FAXDC2: variants seen among roughly 807,000 people sequenced by gnomAD.
The protein encoded by FAXDC2 is fatty acid hydroxylase domain-containing protein 2.
Under a neutral mutation model 40.9 loss-of-function variants are expected in FAXDC2, and 41 were observed. That is an observed-to-expected ratio of 1.00 (90% CI 0.78 to 1.30). FAXDC2 has a LOEUF of 1.30. Among genes scored for constraint, FAXDC2 ranks in the 50% most tolerant of loss-of-function variants. The pLI, the probability that FAXDC2 is intolerant of heterozygous loss-of-function variation, is 0.00. For missense variants in FAXDC2, 390 were observed against 408.8 expected, an observed-to-expected ratio of 0.95 and a Z score of 0.40; for synonymous variants, 157 against 149.3, an observed-to-expected ratio of 1.05 and a Z score of -0.38.
In FAXDC2 at chr5:154,842,165, C is replaced by A. The variant is rs571797803; in HGVS notation, c.1-3987G>T. ...AACCTATCAAATGTTTCATTTCCCC[C>A]ACCCTTGTTGTTTGTTTGTGTGTTT... On this transcript the variant is annotated intron_variant, in intron 1 of 8. Transcript: ENST00000326080. Among the ~76,000 whole-genome samples, 6 of 152,062 alleles carry A rather than the reference C, an allele frequency of 3.9e-5. No individual in the cohort carries two copies. The East Asian group carries it at 9.7e-4, about 25-fold the overall frequency.
chr5:154,825,161 G>A (rs1271772718), intron 5 of FAXDC2, among the ~76,000 whole-genome samples: 1 of 149,740 alleles, frequency 6.7e-6, no homozygotes, highest in Non-Finnish European at 1.5e-5. Context: ...TCAGGAGATT[G>A]AGACCATCCT....
At chr5:154,827,439 G>GTGTGTA (rs1760068534) in intron 5 of FAXDC2, among the ~76,000 whole-genome samples, 2 of 151,428 alleles carry the variant, frequency 1.3e-5, no homozygotes, top group African/African-American at 4.9e-5. Context: ...GTGTGTGTGT[G>GTGTGTA]TGTGTGTGTG....
At chr5:154,837,283 TTTTG>T (rs563450749) in intron 2 of FAXDC2, among the ~76,000 whole-genome samples, 99 of 152,132 alleles carry the variant, frequency 6.5e-4, no homozygotes, top group Middle Eastern at 3.4e-3. Flanking sequence ...TTTTTTGTTT[TTTTG>T]TTTGTTTGTT....
chr5:154,828,929 T>C (rs1479129611), intron 5 of FAXDC2, among the ~76,000 whole-genome samples: 1 of 150,764 alleles, frequency 6.6e-6, no homozygotes, highest in Non-Finnish European at 1.5e-5. Flanking sequence ...TTTCTTTTTT[T>C]TTTTTTTTGA....
At chr5:154,832,943 G>A (rs1198703591) in intron 4 of FAXDC2, among the ~76,000 whole-genome samples, 1 of 152,010 alleles carries the variant, frequency 6.6e-6, no homozygotes, top group Non-Finnish European at 1.5e-5. Context: ...CAATCCTCAG[G>A]TGCATTTTGC....
chr5:154,820,522 C>T lies in FAXDC2; in HGVS notation c.846-50G>A, dbSNP rs367841364. 6.7e-6 allele frequency: 10 copies of T among 1,490,844 alleles called. No homozygotes were observed. In the Admixed American group the frequency reaches 7.8e-5, roughly 12 times the overall value. The allele number at this position is 1,490,844 out of a possible 1,614,324, so 92.4% of individuals were successfully genotyped here. A position where few individuals can be genotyped will look rare whatever the true frequency, so the allele number is the denominator to read the frequency against. ...AGTGCCCATGCTGGAGGCTTCCGTG[C>T]AGATCCCATTTCATTTGTGCCAGCC... On this transcript the variant is annotated intron_variant, in intron 8 of 8. Transcript: ENST00000326080.
chr5:154,820,078 A>T lies in FAXDC2; in HGVS notation c.*238T>A, dbSNP rs1192805312. 2.4e-6 allele frequency: 1 copy of T among 421,630 alleles called. No individual in the cohort carries two copies. The highest frequency in any genetic ancestry group is 2.1e-5 in the African/African-American group (1 of 48,222). The allele number at this position is 421,630 out of a possible 1,614,324, so 26.1% of individuals were successfully genotyped here. On this transcript the variant is annotated 3_prime_UTR_variant, in exon 9 of 9. Coordinates refer to ENST00000326080, the MANE Select transcript of FAXDC2 (RefSeq NM_032385.5). ...CCTCTGACCAGCCTCCAGTCTGGGG[A>T]GCTGTGTTTTCCTTTTTCTTAAGCT... is the stretch of plus-strand genomic sequence containing the variant.
chr5:154,830,930 T>C lies in FAXDC2; in HGVS notation c.245-8A>G, dbSNP rs781273780. On this transcript the variant is annotated splice_region_variant and splice_polypyrimidine_tract_variant and intron_variant, in intron 4 of 8. Transcript: ENST00000326080. The stretch of plus-strand genomic sequence containing the variant: ...AAGGCACTTGGATGGCACCTGAGAT[T>C]GGGAAACAGAAACAGTCAGGGCGAC... 8 of 1,611,274 alleles carry C rather than the reference T, an allele frequency of 5.0e-6. No individual in the cohort carries two copies. The Admixed American group carries it at 1.3e-4, about 27-fold the overall frequency.
intron 1 of FAXDC2, among the ~76,000 whole-genome samples, chr5:154,839,392 C>T: frequency 6.6e-6 from 1 of 151,474 alleles, no homozygotes; most frequent in Non-Finnish European, 1.5e-5. Context: ...CCTGTAGTCC[C>T]AACACTTGGG....
rs1224837394 is a variant in FAXDC2, at chr5:154,831,119, T to G, written c.245-197A>C. The stretch of plus-strand genomic sequence containing the variant: ...ACAGGCCATTTAAGGAGTGTCTCCA[T>G]TTTCTTAGCCATAAAATAGGGACAA... On this transcript the variant is annotated intron_variant, in intron 4 of 8. Transcript: ENST00000326080. 3 of 503,322 alleles carry G rather than the reference T, an allele frequency of 6.0e-6. No individual in the cohort carries two copies. The Admixed American group carries it at 9.6e-5, about 16-fold the overall frequency. The allele number at this position is 503,322 out of a possible 1,614,324, so 31.2% of individuals were successfully genotyped here. A position where few individuals can be genotyped will look rare whatever the true frequency, so the allele number is the denominator to read the frequency against.
At chr5:154,834,527 T>C (rs1481125521) in intron 4 of FAXDC2, 98 bp downstream of exon 4, 10 of 884,088 alleles carry the variant, frequency 1.1e-5, no homozygotes, top group Non-Finnish European at 1.8e-5. Flanking sequence ...CTTGGAATAA[T>C]AAACTGAAAA....
intron 6 of FAXDC2, 177 bp downstream of exon 6, chr5:154,823,210 C>T: frequency 3.3e-6 from 2 of 607,676 alleles, no homozygotes; most frequent in Non-Finnish European, 5.8e-6. Flanking sequence ...GACGGGGTCT[C>T]CTGACATTCC....
chr5:154,840,771 A>C (rs749426157), intron 1 of FAXDC2, among the ~76,000 whole-genome samples: 1 of 152,102 alleles, frequency 6.6e-6, no homozygotes, highest in Non-Finnish European at 1.5e-5. Context: ...GGCTGATCTC[A>C]AACTTGTGAG....
intron 5 of FAXDC2, among the ~76,000 whole-genome samples, chr5:154,827,043 GCCTTTTA>G (rs1305139052): frequency 2.0e-5 from 3 of 152,112 alleles, no homozygotes; most frequent in Non-Finnish European, 4.4e-5. Context: ...GGTGTCTCAC[GCCTTTTA>G]TCCCAGCACT....
chr5:154,821,212 G>A, intron 8 of FAXDC2, 48 bp downstream of exon 8: 1 of 1,468,716 alleles, frequency 6.8e-7, no homozygotes, highest in Non-Finnish European at 9.4e-7. Context: ...TAAGGAGGGA[G>A]GGTGATGGTT....
chr5:154,829,717 C>T (rs17116474), intron 5 of FAXDC2, among the ~76,000 whole-genome samples: 1,805 of 152,328 alleles, frequency 0.012, 31 homozygotes, highest in African/African-American at 0.04. Context: ...CCGTGTAACA[C>T]CTCTGTTTCC....
chr5:154,846,146 C>G (rs1252983755), intron 1 of FAXDC2, among the ~76,000 whole-genome samples: 2 of 151,804 alleles, frequency 1.3e-5, no homozygotes, highest in East Asian at 3.9e-4. Context: ...GCTCATTATA[C>G]CAACTGAGAC....
At chr5:154,837,835 G>A (rs1760388484) in intron 2 of FAXDC2, among the ~76,000 whole-genome samples, 1 of 152,302 alleles carries the variant, frequency 6.6e-6, no homozygotes, top group South Asian at 2.1e-4. Context: ...AAAGGCCCGA[G>A]GCATAGGACA....
chr5:154,844,956 G>A (rs565230542), intron 1 of FAXDC2, among the ~76,000 whole-genome samples: 2 of 152,324 alleles, frequency 1.3e-5, no homozygotes, highest in South Asian at 4.1e-4. Flanking sequence ...TGGCCAAAGG[G>A]AAAATGATTG....
Sources: gnomAD v4.1 joint callset for allele counts (sites outside exome capture counted in the v4.1 genomes callset) on GRCh38, gnomAD v4.1.1 for gene constraint, MANE v1.5 for transcripts, NCBI Gene and HGNC (gene_info 2026-07-23, HGNC 2026-07-21) for gene names.